The following KCNS1 variants were observed in gnomAD, a reference collection of about 807,000 sequenced individuals.
The protein encoded by KCNS1 is delayed-rectifier potassium channel regulatory subunit KCNS1.
KCNS1 carries 26 observed loss-of-function variants against 33.1 expected under a neutral mutation model. The ratio of observed to expected loss-of-function variants is 0.79; its 90% CI spans 0.58 to 1.09. KCNS1 has a LOEUF of 1.09. KCNS1 is among the 50% of genes least tolerant of loss of function. The probability of loss-of-function intolerance (pLI) is 0.00; values close to 1 mark genes in which losing one functional copy is unlikely to be tolerated. For missense variants in KCNS1, 702 were observed against 752.4 expected, an observed-to-expected ratio of 0.93 and a Z score of 0.78; for synonymous variants, 299 against 338.8, an observed-to-expected ratio of 0.88 and a Z score of 1.29.
At chr20:45,097,270 CCT>C (rs1981213522) in intron 3 of KCNS1, among the ~76,000 whole-genome samples, 1 of 152,206 alleles carries the variant, frequency 6.6e-6, no homozygotes, top group African/African-American at 2.4e-5. Context: ...ATCAGAGCCC[CCT>C]GATAGTGCCA....
Position 45,098,016 on chromosome 20 carries a change from G to A in KCNS1, c.756C>T (p.Ala252=). Residue 252 remains alanine (A), a synonymous_variant, in exon 3 of 4, where the codon GCC becomes GCT. Transcript: ENST00000537075. The surrounding 1 kb of genome is among the most constrained non-coding windows in gnomAD (Gnocchi z 5.2). The part of the protein sequence containing the change: ...LPEYQAREAA[A]AVAAVAAGRS... ...GGCCCGCGGCCACCGCAGCCACGGCGGCCGCCGCCTCGCGGGCCTGGTACT... is the reference window on the plus strand; with the variant it reads ...GGCCCGCGGCCACCGCAGCCACGGCAGCCGCCGCCTCGCGGGCCTGGTACT... The A allele has an allele frequency of 3.3e-6, 5 of 1,507,510 alleles. No homozygotes were observed. Among genetic ancestry groups the A allele is most frequent in the East Asian group, 2.6e-5 (1 of 39,188 alleles). The allele number at this position is 1,507,510 out of a possible 1,614,324, so 93.4% of individuals were successfully genotyped here.
rs1234698991 is a variant in KCNS1 at position 45,097,996 on chromosome 20, GCGGCCACCGCAGC to G, written c.763_775del (p.Ala255ArgfsTer159). 3 of 1,530,776 alleles carry G rather than the reference GCGGCCACCGCAGC, an allele frequency of 2.0e-6. No homozygotes were observed. In the East Asian group the frequency reaches 7.6e-5, roughly 39 times the overall value. 94.8% of individuals were successfully genotyped at this position (1,530,776 alleles called of 1,614,324 possible). On this transcript the variant is annotated frameshift_variant, in exon 3 of 4. Transcript: ENST00000537075. LOFTEE classifies it high-confidence loss of function. Reference sequence around the variant, plus strand: ...GCGCACGCCTTCCGGGCTGCGGCCCGCGGCCACCGCAGCCACGGCGGCCGCCGCCTCGCGGGCC... The same window carrying G: ...GCGCACGCCTTCCGGGCTGCGGCCCGCACGGCGGCCGCCGCCTCGCGGGCC...
Position 45,098,117 on chromosome 20 carries a change from T to C in KCNS1, c.655A>G (p.Ser219Gly). Residue 219 changes from serine (S) to glycine (G), a missense_variant, in exon 3 of 4, where the codon AGC (serine) becomes GGC (glycine). By Grantham distance (56) the Ser-to-Gly change is moderately conservative. Around this residue, in one of 3 missense-constraint regions of KCNS1, gnomAD observed 374 missense variants for 352.3 expected, o/e 1.06. Transcript: ENST00000537075. The surrounding 1 kb of genome is among the most constrained non-coding windows in gnomAD (Gnocchi z 5.2). ...TMENPGYSLP[S>G]KLFSCVSISV... Reference sequence around the variant, plus strand: ...ATGGAGACGCAGCTGAAGAGCTTGCTCGGCAGCGAGTAGCCCGGGTTCTCC... The same window carrying C: ...ATGGAGACGCAGCTGAAGAGCTTGCCCGGCAGCGAGTAGCCCGGGTTCTCC... The C allele has an allele frequency of 6.3e-7, 1 of 1,596,510 alleles. No individual in the cohort carries two copies.
At position 45,093,854 on chromosome 20, in the gene KCNS1, T is replaced by C. The variant is rs573394914; in HGVS notation, c.*1016A>G. Reference sequence around the variant, plus strand: ...GGAGGGTCTTAGAAGCCAGTATTCATATATGTCAGCCCTCTGAACATTTCA... The same window carrying C: ...GGAGGGTCTTAGAAGCCAGTATTCACATATGTCAGCCCTCTGAACATTTCA... On this transcript the variant is annotated 3_prime_UTR_variant, in exon 4 of 4. Coordinates refer to ENST00000537075, the MANE Select transcript of KCNS1 (RefSeq NM_001322799.2). 1.3e-5 allele frequency: 2 copies of C among 152,326 alleles called. No homozygotes were observed. The highest frequency in any genetic ancestry group is 2.1e-4 in the South Asian group (1 of 4,826). The allele number at this position is 152,326 out of a possible 1,614,324, so 9.4% of individuals were successfully genotyped here. A position where few individuals can be genotyped will look rare whatever the true frequency, so the allele number is the denominator to read the frequency against.
intron 3 of KCNS1, among the ~76,000 whole-genome samples, chr20:45,096,021 G>A (rs1981173460): frequency 6.6e-6 from 1 of 152,166 alleles, no homozygotes; most frequent in South Asian, 2.1e-4. Flanking sequence ...ATCCTAAAAT[G>A]TACAGGGCAG....
Position 45,098,163 on chromosome 20 carries a change from G to A in KCNS1, c.609C>T (p.Arg203=), listed in dbSNP as rs763020291. 12 of 1,600,678 alleles carry A rather than the reference G, an allele frequency of 7.5e-6. No homozygotes were observed. The highest frequency in any genetic ancestry group is 1.1e-5 in the South Asian group (1 of 89,318). ...TCTCCATGGTCAGCCAGAGGCGGCG[G>A]CGCAGGCGGCCACAGCGCGCCGCGC... ...RYGAARCGRL[R]RRLWLTMENP... is the part of the protein sequence containing the mutation. Residue 203 remains arginine (R), a synonymous_variant, in exon 3 of 4, where the codon CGC becomes CGT. Transcript: ENST00000537075. The surrounding 1 kb of genome is among the most constrained non-coding windows in gnomAD (Gnocchi z 5.2).
Position 45,094,542 on chromosome 20 carries a change from T to G in KCNS1, c.*328A>C. On this transcript the variant is annotated 3_prime_UTR_variant, in exon 4 of 4. Coordinates refer to ENST00000537075, the MANE Select transcript of KCNS1 (RefSeq NM_001322799.2). The stretch of plus-strand genomic sequence containing the variant: ...TGTGAAGTGGGGATAATTCTCTTTC[T>G]CCAACACAAGGCCAAACATGACCTG... 6.8e-5 allele frequency: 16 copies of G among 233,838 alleles called. No individual in the cohort carries two copies. The highest frequency in any genetic ancestry group is 1.9e-4 in the South Asian group (2 of 10,378). 14.5% of individuals were successfully genotyped at this position (233,838 alleles called of 1,614,324 possible).
At chr20:45,099,031 T>A (rs1401683478) in intron 2 of KCNS1, 130 bp downstream of exon 2, 1 of 939,074 alleles carries the variant, frequency 1.1e-6, no homozygotes. Flanking sequence ...ACCTAGTGGG[T>A]GCTCACATAG....
chr20:45,096,244 A>C (rs1021533831), intron 3 of KCNS1, among the ~76,000 whole-genome samples: 1 of 152,154 alleles, frequency 6.6e-6, no homozygotes, highest in Non-Finnish European at 1.5e-5. Flanking sequence ...CAGGGGCCTC[A>C]CTTTGAGTAG....
rs1232255176 is a variant in KCNS1, at chr20:45,098,762, T to C, written c.77-67A>G. 4.6e-5 allele frequency: 58 copies of C among 1,263,420 alleles called. No individual in the cohort carries two copies. Among genetic ancestry groups the C allele is most frequent in the Non-Finnish European group, 5.7e-5 (57 of 996,660 alleles). The allele number at this position is 1,263,420 out of a possible 1,614,324, so 78.3% of individuals were successfully genotyped here. A position where few individuals can be genotyped will look rare whatever the true frequency, so the allele number is the denominator to read the frequency against. On this transcript the variant is annotated intron_variant, in intron 2 of 3. Transcript: ENST00000537075. This position sits in a 1 kb window ranked among gnomAD's most constrained non-coding sequence, Gnocchi z 5.2. The stretch of plus-strand genomic sequence containing the variant: ...CCCTTCCTGGAAGACCAGGTTAAAA[T>C]CCCCTCCTCCATCCAACCAGCCAAG...
At chr20:45,097,573 G>T in intron 3 of KCNS1, 89 bp downstream of exon 3, 1 of 1,310,084 alleles carries the variant, frequency 7.6e-7, no homozygotes, top group Non-Finnish European at 1.0e-6. Context: ...CGTTAAGCCT[G>T]GACTCGGCAG....
chr20:45,098,177 AG>A lies in KCNS1; in HGVS notation c.594del (p.Cys199ValfsTer10). On this transcript the variant is annotated frameshift_variant, in exon 3 of 4. Coordinates refer to ENST00000537075, the MANE Select transcript of KCNS1 (RefSeq NM_001322799.2). LOFTEE classifies it high-confidence loss of function. The surrounding 1 kb of genome is among the most constrained non-coding windows in gnomAD (Gnocchi z 5.2). ...CAGAGGCGGCGGCGCAGGCGGCCAC[AG>A]CGCGCCGCGCCATAGCGCGCCAGTT... ...QRELARYGAA[R>X]CGRLRRRLWL... 1.2e-6 allele frequency: 2 copies of A among 1,602,938 alleles called. No homozygotes were observed. The highest frequency in any genetic ancestry group is 8.5e-7 in the Non-Finnish European group (1 of 1,175,908).
In KCNS1 at chr20:45,094,582, G is replaced by C. The variant is rs1981110263; in HGVS notation, c.*288C>G. On this transcript the variant is annotated 3_prime_UTR_variant, in exon 4 of 4. Transcript: ENST00000537075. ...AACATGACCTGGTTCATGTACAGGA[G>C]GTGCTCAGGAATCATTAGTATCCTT... is the stretch of plus-strand genomic sequence containing the variant. The C allele has an allele frequency of 1.2e-5, 4 of 341,432 alleles. No individual in the cohort carries two copies. Among genetic ancestry groups the C allele is most frequent in the Non-Finnish European group, 2.2e-5 (4 of 185,534 alleles). 21.2% of individuals were successfully genotyped at this position (341,432 alleles called of 1,614,324 possible). A position where few individuals can be genotyped will look rare whatever the true frequency, so the allele number is the denominator to read the frequency against.
rs1981305540 is a variant in KCNS1, at chr20:45,098,821, T to C, written c.77-126A>G. 1.1e-6 allele frequency: 1 copy of C among 922,112 alleles called. No homozygotes were observed. Among genetic ancestry groups the C allele is most frequent in the Non-Finnish European group, 1.5e-6 (1 of 665,904 alleles). 57.1% of individuals were successfully genotyped at this position (922,112 alleles called of 1,614,324 possible). ...GAGGCTGTGTGTGAAGCATCTGGTA[T>C]GCAGGAGGCGCTCAGTAGATGTCAG... is the stretch of plus-strand genomic sequence containing the variant. On this transcript the variant is annotated intron_variant, in intron 2 of 3. Transcript: ENST00000537075. This position sits in a 1 kb window ranked among gnomAD's most constrained non-coding sequence, Gnocchi z 5.2.
Position 45,098,427 on chromosome 20 carries a change from C to T in KCNS1, c.345G>A (p.Leu115=). The T allele has an allele frequency of 6.3e-7, 1 of 1,596,272 alleles. No individual in the cohort carries two copies. Among genetic ancestry groups the T allele is most frequent in the Non-Finnish European group, 8.5e-7 (1 of 1,171,984 alleles). ...DRHPGFFLSL[L]HFYRTGHLHV... ...GCAGGTGGCCAGTGCGGTAGAAGTG[C>T]AGCAGGCTCAGGAAGAAGCCCGGGT... Residue 115 remains leucine, a synonymous_variant, in exon 3 of 4, where the codon CTG becomes CTA. Coordinates refer to ENST00000537075, the MANE Select transcript of KCNS1 (RefSeq NM_001322799.2). This position sits in a 1 kb window ranked among gnomAD's most constrained non-coding sequence, Gnocchi z 5.2.
rs1410862277 is a variant in KCNS1, at chr20:45,098,520, C to G, written c.252G>C (p.Ser84=). 2.0e-6 allele frequency: 3 copies of G among 1,510,614 alleles called. No individual in the cohort carries two copies. Among genetic ancestry groups the G allele is most frequent in the African/African-American group, 1.4e-5 (1 of 69,304 alleles). 93.6% of individuals were successfully genotyped at this position (1,510,614 alleles called of 1,614,324 possible). Residue 84 remains serine (S), a synonymous_variant, in exon 3 of 4, where the codon TCG becomes TCC. Coordinates refer to ENST00000537075, the MANE Select transcript of KCNS1 (RefSeq NM_001322799.2). This position sits in a 1 kb window ranked among gnomAD's most constrained non-coding sequence, Gnocchi z 5.2. ...CGCACAGGCGCCGCGCCTGCTCCTCCGACGCCGCGGCCTGCAGGCGGCCCA... is the reference window on the plus strand; with the variant it reads ...CGCACAGGCGCCGCGCCTGCTCCTCGGACGCCGCGGCCTGCAGGCGGCCCA... ...TRLGRLQAAA[S]EEQARRLCDD... is the part of the protein sequence containing the mutation.
chr20:45,099,765 C>A lies in KCNS1; in HGVS notation c.-3-526G>T, dbSNP rs1981334194. On this transcript the variant is annotated intron_variant, in intron 1 of 3. Coordinates refer to ENST00000537075, the MANE Select transcript of KCNS1 (RefSeq NM_001322799.2). Reference sequence around the variant, plus strand: ...AGGTAGATTATAGAAAGTGCTCAGCCTTAGTGGATACTCAGGAAGGATTTA... The same window carrying A: ...AGGTAGATTATAGAAAGTGCTCAGCATTAGTGGATACTCAGGAAGGATTTA... 2.0e-5 allele frequency among the ~76,000 whole-genome samples: 3 copies of A among 152,160 alleles called. No homozygotes were observed. The South Asian group carries it at 6.2e-4, about 32-fold the overall frequency.
chr20:45,098,881 A>G lies in KCNS1; in HGVS notation c.77-186T>C, dbSNP rs941094880. Among the ~76,000 whole-genome samples, 2 of 152,072 alleles carry G rather than the reference A, an allele frequency of 1.3e-5. No homozygotes were observed. Among genetic ancestry groups the G allele is most frequent in the Admixed American group, 1.3e-4 (2 of 15,266 alleles). On this transcript the variant is annotated intron_variant, in intron 2 of 3. Transcript: ENST00000537075. This position sits in a 1 kb window ranked among gnomAD's most constrained non-coding sequence, Gnocchi z 5.2. ...GGACTCAGAGTCAGGCCTGGCTTTG[A>G]CTATCCTTCATCCCCATCATTTGAC... is the stretch of plus-strand genomic sequence containing the variant.
chr20:45,096,869 T>C (rs1156914895), intron 3 of KCNS1, among the ~76,000 whole-genome samples: 1 of 152,252 alleles, frequency 6.6e-6, no homozygotes, highest in Non-Finnish European at 1.5e-5. Flanking sequence ...ATTTCATCTC[T>C]GGGAATCTCC....
Sources: gnomAD v4.1 joint callset for allele counts (sites outside exome capture counted in the v4.1 genomes callset) on GRCh38, gnomAD v4.1.1 for gene constraint, gnomAD v4.1.1 regional missense constraint, Gnocchi (gnomAD v3.1) non-coding constraint, MANE v1.5 for transcripts, NCBI Gene and HGNC (gene_info 2026-07-23, HGNC 2026-07-21) for gene names.